PLEKHA7: variants seen among roughly 807,000 people sequenced by gnomAD.
PLEKHA7 encodes pleckstrin homology domain-containing family A member 7.
A neutral mutation model predicts 170.0 loss-of-function variants in PLEKHA7; 104 were observed. The observed-to-expected ratio is 0.61, with a 90% CI of 0.52 to 0.72. The LOEUF (loss-of-function observed/expected upper bound fraction) is 0.72, where lower values mean the gene tolerates loss of function less well. PLEKHA7 is among the 30% of genes least tolerant of loss of function. The pLI is 0.00. For synonymous variants in PLEKHA7, 648 were observed against 660.8 expected, an observed-to-expected ratio of 0.98 and a Z score of 0.30; for missense variants, 1,615 against 1,671.7, an observed-to-expected ratio of 0.97 and a Z score of 0.59.
chr11:16,889,595 C>A (rs982728195), intron 3 of PLEKHA7, among the ~76,000 whole-genome samples: 3 of 150,908 alleles, frequency 2.0e-5, no homozygotes, highest in African/African-American at 7.3e-5. Flanking sequence ...GGAGTCAACA[C>A]CACCCCCCAC....
chr11:16,848,384 C>G (rs1011618379), intron 8 of PLEKHA7, among the ~76,000 whole-genome samples: 5 of 152,268 alleles, frequency 3.3e-5, no homozygotes, highest in African/African-American at 1.2e-4. Flanking sequence ...CCTTCAGAAT[C>G]TAGAGCAGGG....
intron 9 of PLEKHA7, among the ~76,000 whole-genome samples, chr11:16,833,268 A>G (rs979061482): frequency 1.3e-5 from 2 of 152,058 alleles, no homozygotes; most frequent in African/African-American, 4.8e-5. Context: ...TGCAGAATAA[A>G]CGAAACAAAC....
intron 3 of PLEKHA7, among the ~76,000 whole-genome samples, chr11:16,899,706 A>C (rs1218957551): frequency 6.6e-6 from 1 of 152,200 alleles, no homozygotes; most frequent in Non-Finnish European, 1.5e-5. Flanking sequence ...GCACTGTGCT[A>C]TGTACTTCCC....
At chr11:16,780,432 A>G (rs575578125) in intron 26 of PLEKHA7, among the ~76,000 whole-genome samples, 1 of 152,260 alleles carries the variant, frequency 6.6e-6, no homozygotes, top group Non-Finnish European at 1.5e-5. Flanking sequence ...GGGCAGTCCC[A>G]GTCTCTGCGC....
intron 4 of PLEKHA7, among the ~76,000 whole-genome samples, chr11:16,865,442 A>T (rs1469478704): frequency 6.6e-6 from 1 of 152,210 alleles, no homozygotes; most frequent in Non-Finnish European, 1.5e-5. Flanking sequence ...TTAGCACTCT[A>T]GGCCAGGCGG....
intron 3 of PLEKHA7, among the ~76,000 whole-genome samples, chr11:16,984,349 A>G (rs1328952539): frequency 6.6e-6 from 1 of 152,208 alleles, no homozygotes; most frequent in Non-Finnish European, 1.5e-5. Flanking sequence ...TCCTTATTCT[A>G]AAGCAAAAGT....
chr11:16,840,310 C>T (rs545009976), intron 9 of PLEKHA7, among the ~76,000 whole-genome samples: 23 of 152,126 alleles, frequency 1.5e-4, no homozygotes, highest in African/African-American at 1.7e-4. Context: ...CCTGTAATCC[C>T]GGCACTTTGG....
At chr11:16,975,089 G>T in intron 3 of PLEKHA7, 1 of 628,284 alleles carries the variant, frequency 1.6e-6, no homozygotes, top group Non-Finnish European at 2.2e-6. Flanking sequence ...AGTTCTATGA[G>T]ATTTCATCAC....
At chr11:17,013,957 C>G (rs1371809613) in intron 3 of PLEKHA7, 32 bp downstream of exon 3, 7 of 1,524,302 alleles carry the variant, frequency 4.6e-6, no homozygotes, top group South Asian at 1.2e-5. Context: ...CCCCGCGGCA[C>G]AGGTGCGAGC....
At chr11:16,841,102 G>A (rs895572414) in intron 9 of PLEKHA7, among the ~76,000 whole-genome samples, 3 of 152,132 alleles carry the variant, frequency 2.0e-5, no homozygotes, top group Non-Finnish European at 4.4e-5. Context: ...TTCTCTCAGG[G>A]AATCACCCAC....
chr11:16,998,722 G>T (rs1864489533), intron 3 of PLEKHA7, among the ~76,000 whole-genome samples: 1 of 151,832 alleles, frequency 6.6e-6, no homozygotes, highest in South Asian at 2.1e-4. Flanking sequence ...TCCATAAGTG[G>T]ATATAATTTC....
chr11:17,014,332 G>A lies in PLEKHA7; in HGVS notation c.70C>T (p.Arg24Cys). 1 of 1,448,322 alleles carries A rather than the reference G, an allele frequency of 6.9e-7. No homozygotes were observed. Among genetic ancestry groups the A allele is most frequent in the Non-Finnish European group, 9.1e-7 (1 of 1,095,936 alleles). The allele number at this position is 1,448,322 out of a possible 1,614,324, so 89.7% of individuals were successfully genotyped here. A position where few individuals can be genotyped will look rare whatever the true frequency, so the allele number is the denominator to read the frequency against. ...GCGCCGCACTTGATGAAGAAGACGC[G>A]GCCATCCCGGCACACCCCGTAGGAC... ...HWSYGVCRDG[R>C]VFFINDQLRC... Residue 24 changes from arginine (R) to cysteine (C), a missense_variant, in exon 1 of 27, where the codon CGC becomes TGC. Transcript: ENST00000531066.
intron 8 of PLEKHA7, among the ~76,000 whole-genome samples, chr11:16,849,058 C>T (rs938728296): frequency 6.6e-6 from 1 of 152,302 alleles, no homozygotes; most frequent in Non-Finnish European, 1.5e-5. Context: ...ACCATCTAAA[C>T]ACCACCAGAT....
chr11:16,995,656 C>G (rs562426786), intron 3 of PLEKHA7, among the ~76,000 whole-genome samples: 1 of 152,252 alleles, frequency 6.6e-6, no homozygotes, highest in Admixed American at 6.5e-5. Context: ...AATATGATGT[C>G]AGGTAAATGG....
rs1205203415 is a variant in PLEKHA7, at chr11:16,805,806, AAC to A, written c.2008-2513_2008-2512del. Among the ~76,000 whole-genome samples the A allele has an allele frequency of 1.2e-3, 170 of 143,880 alleles. 4 individuals carry two copies. Among genetic ancestry groups the A allele is most frequent in the African/African-American group, 4.7e-3 (160 of 34,376 alleles). 94.4% of individuals were successfully genotyped at this position (143,880 alleles called of 152,430 possible). A position where few individuals can be genotyped will look rare whatever the true frequency, so the allele number is the denominator to read the frequency against. On this transcript the variant is annotated intron_variant, in intron 13 of 26. Transcript: ENST00000531066. Reference sequence around the variant, plus strand: ...CTCCATGTCAAAAAAAAAAAAAAAAAACAAAAACAAAAACAAAAAAAACTGCT... The same window carrying A: ...CTCCATGTCAAAAAAAAAAAAAAAAAAAAAACAAAAACAAAAAAAACTGCT...
rs759306847 is a variant in PLEKHA7, at chr11:16,851,277, C to T, written c.610G>A (p.Ala204Thr). ...LFYYKDSREEAVLGSIPLPSY... is the reference protein window; with the variant it reads ...LFYYKDSREETVLGSIPLPSY... ...GGCAAGGGGATGCTCCCGAGGACCG[C>T]TTCTTCTCGGCTGTCTTTGAATGGA... Residue 204 changes from alanine (A) to threonine (T), a missense_variant, in exon 8 of 27, where the codon GCG becomes ACG. Physicochemically the swap from Ala to Thr is moderately conservative, Grantham distance 58. Coordinates refer to ENST00000531066, the MANE Select transcript of PLEKHA7 (RefSeq NM_001329630.2). 22 of 1,610,554 alleles carry T rather than the reference C, an allele frequency of 1.4e-5. No individual in the cohort carries two copies. Among genetic ancestry groups the T allele is most frequent in the South Asian group, 3.3e-5 (3 of 90,056 alleles).
intron 3 of PLEKHA7, among the ~76,000 whole-genome samples, chr11:17,011,803 T>G (rs1865336036): frequency 6.6e-6 from 1 of 152,192 alleles, no homozygotes; most frequent in Non-Finnish European, 1.5e-5. Flanking sequence ...CAGATCACAC[T>G]ATCTGACATA....
At chr11:16,856,138 G>C (rs1853430642) in intron 4 of PLEKHA7, among the ~76,000 whole-genome samples, 1 of 152,136 alleles carries the variant, frequency 6.6e-6, no homozygotes, top group Non-Finnish European at 1.5e-5. Context: ...TCCACAGCCT[G>C]ACACCCCAAC....
intron 3 of PLEKHA7, among the ~76,000 whole-genome samples, chr11:16,893,056 G>A (rs904269688): frequency 2.6e-5 from 4 of 152,098 alleles, no homozygotes; most frequent in African/African-American, 4.8e-5. Context: ...AGCTCTTATC[G>A]TCCAATATGG....
Sources: allele counts gnomAD v4.1 joint callset (sites outside exome capture counted in the v4.1 genomes callset), GRCh38; gene constraint gnomAD v4.1.1; transcripts MANE v1.5; gene names NCBI Gene and HGNC (gene_info 2026-07-23, HGNC 2026-07-21).